Variants in HECW2 observed in about 807,000 individuals in gnomAD.
HECW2 encodes the protein HECT, C2 and WW domain containing E3 ubiquitin protein ligase 2.
In HECW2, 61 loss-of-function variants were observed where a neutral mutation model predicts 175.2. The observed-to-expected ratio is 0.35, with a 90% CI of 0.28 to 0.43. The LOEUF (loss-of-function observed/expected upper bound fraction) is 0.43, where lower values mean the gene tolerates loss of function less well. Among genes scored for constraint, HECW2 ranks in the 20% least tolerant of loss-of-function variants. The pLI, the probability that HECW2 is intolerant of heterozygous loss-of-function variation, is 1.00. For missense variants in HECW2, 1,524 were observed against 2,000.5 expected (o/e 0.76, Z 4.54); for synonymous variants, 671 against 731.0 (o/e 0.92, Z 1.32).
chr2:196,269,600 A>C (rs948714711), intron 17 of HECW2: 3 of 151,278 alleles, frequency 2.0e-5, no homozygotes, highest in Non-Finnish European at 4.4e-5. Context: ...ATATTTTTAC[A>C]TTCAGTATGT....
intron 20 of HECW2, 87 bp from the exon 21 acceptor site, chr2:196,240,649 T>C: frequency 8.0e-7 from 1 of 1,245,016 alleles, no homozygotes; most frequent in Non-Finnish European, 1.1e-6. Flanking sequence ...CATTTCCATT[T>C]GCCACAATTA....
At chr2:196,313,447 A>G (rs1003137584) in intron 10 of HECW2, among the ~76,000 whole-genome samples, 1 of 152,234 alleles carries the variant, frequency 6.6e-6, no homozygotes, top group South Asian at 2.1e-4. Flanking sequence ...TGTCATGCTG[A>G]CTCCAAGGCC....
chr2:196,285,133 A>G (rs1690336340), intron 14 of HECW2, among the ~76,000 whole-genome samples: 1 of 152,232 alleles, frequency 6.6e-6, no homozygotes, highest in Non-Finnish European at 1.5e-5. Flanking sequence ...GAAGCCAAAC[A>G]AAATACATTT....
chr2:196,388,430 T>C (rs1694413977), intron 2 of HECW2, among the ~76,000 whole-genome samples: 1 of 152,248 alleles, frequency 6.6e-6, no homozygotes, highest in Non-Finnish European at 1.5e-5. Context: ...TATAGTGCTT[T>C]ACAAATGTAA....
rs1186599850 is a variant in HECW2, at chr2:196,206,755, C to T, written c.4608-5367G>A. 3.9e-5 allele frequency among the ~76,000 whole-genome samples: 6 copies of T among 152,162 alleles called. No individual in the cohort carries two copies. The East Asian group carries it at 1.2e-3, about 29-fold the overall frequency. On this transcript the variant is annotated intron_variant, in intron 28 of 28. Transcript: ENST00000644978. ...TCTGGGGCAAGCAGGAACTGAAATCCAGCCTTCCTTTGGCTCTGCTTGCCA... is the reference window on the plus strand; with the variant it reads ...TCTGGGGCAAGCAGGAACTGAAATCTAGCCTTCCTTTGGCTCTGCTTGCCA...
intron 14 of HECW2, among the ~76,000 whole-genome samples, chr2:196,286,157 T>G (rs747091804): frequency 1.3e-5 from 2 of 152,128 alleles, no homozygotes; most frequent in Non-Finnish European, 2.9e-5. Context: ...GCTGACAGCA[T>G]GTAATTGACC....
intron 2 of HECW2, among the ~76,000 whole-genome samples, chr2:196,424,159 T>A (rs1202465001): frequency 6.6e-6 from 1 of 152,068 alleles, no homozygotes; most frequent in African/African-American, 2.4e-5. Context: ...GGTCTTTTGA[T>A]GATATTATTG....
chr2:196,202,283 A>G (rs1228032494), intron 28 of HECW2, among the ~76,000 whole-genome samples: 1 of 152,222 alleles, frequency 6.6e-6, no homozygotes, highest in African/African-American at 2.4e-5. Flanking sequence ...CTATTTCTAC[A>G]AAGTCACATG....
chr2:196,569,206 G>A (rs879534897), intron 1 of HECW2, among the ~76,000 whole-genome samples: 15 of 152,124 alleles, frequency 9.9e-5, no homozygotes, highest in Non-Finnish European at 2.1e-4. Context: ...GCTAGGCATG[G>A]TGGTACACAT....
intron 26 of HECW2, chr2:196,218,196 T>G (rs1471893084): frequency 6.6e-6 from 1 of 152,244 alleles, no homozygotes; most frequent in African/African-American, 2.4e-5. Flanking sequence ...GAATTAGCCC[T>G]TTTCTGCTTC....
chr2:196,368,584 T>C (rs755450933), intron 2 of HECW2, among the ~76,000 whole-genome samples: 5 of 152,190 alleles, frequency 3.3e-5, no homozygotes, highest in African/African-American at 4.8e-5. Context: ...TATCTCTCTC[T>C]ACCTCCTGAT....
At chr2:196,478,354 T>A (rs1487886333) in intron 1 of HECW2, among the ~76,000 whole-genome samples, 1 of 152,142 alleles carries the variant, frequency 6.6e-6, no homozygotes, top group Non-Finnish European at 1.5e-5. Context: ...CTTGTGACAT[T>A]TCCACAGATG....
intron 28 of HECW2, among the ~76,000 whole-genome samples, chr2:196,204,277 A>G (rs116255659): frequency 0.022 from 3,410 of 152,276 alleles, 141 homozygotes; most frequent in African/African-American, 0.078. Context: ...TTACATTTCC[A>G]TCAACAGTGC....
intron 1 of HECW2, among the ~76,000 whole-genome samples, chr2:196,572,710 C>T (rs755721507): frequency 6.6e-6 from 1 of 152,154 alleles, no homozygotes; most frequent in Non-Finnish European, 1.5e-5. Context: ...AATTAGGTCA[C>T]AAGGGTAGAG....
intron 14 of HECW2, chr2:196,288,584 C>T (rs1690482081): frequency 1.3e-5 from 2 of 152,072 alleles, no homozygotes; most frequent in Admixed American, 1.3e-4. Flanking sequence ...ACAGTATATC[C>T]CTTATAAGTC....
At position 196,467,433 on chromosome 2, in the gene HECW2, CT is replaced by C. The variant is rs546796131; in HGVS notation, c.-35-33976del. 1.4e-3 allele frequency among the ~76,000 whole-genome samples: 208 copies of C among 152,192 alleles called. 2 individuals are homozygous for C. The highest frequency in any genetic ancestry group is 4.6e-3 in the African/African-American group (191 of 41,530). On this transcript the variant is annotated intron_variant, in intron 1 of 28. Transcript: ENST00000644978. Reference sequence around the variant, plus strand: ...TGCTATTTATTGAGAGCTTTCTGGGCTTTCTTGCAGATTCCATTTAATCCTC... The same window carrying C: ...TGCTATTTATTGAGAGCTTTCTGGGCTTCTTGCAGATTCCATTTAATCCTC...
At chr2:196,233,380 AC>A (rs1416234067) in intron 21 of HECW2, among the ~76,000 whole-genome samples, 1 of 152,174 alleles carries the variant, frequency 6.6e-6, no homozygotes, top group African/African-American at 2.4e-5. Flanking sequence ...TGTCAGTGGC[AC>A]CCAAAATTTG....
intron 1 of HECW2, among the ~76,000 whole-genome samples, chr2:196,569,706 G>A (rs1169314912): frequency 6.6e-6 from 1 of 152,200 alleles, no homozygotes; most frequent in Non-Finnish European, 1.5e-5. Context: ...CCAGGATGTA[G>A]GATAAATTAT....
At chr2:196,510,695 T>A (rs1687917841) in intron 1 of HECW2, among the ~76,000 whole-genome samples, 2 of 152,076 alleles carry the variant, frequency 1.3e-5, no homozygotes, top group African/African-American at 4.8e-5. Flanking sequence ...GAATTGTTAT[T>A]TTTTTTTACT....
Sources: gnomAD v4.1 joint callset for allele counts (sites outside exome capture counted in the v4.1 genomes callset) on GRCh38, gnomAD v4.1.1 for gene constraint, MANE v1.5 for transcripts, NCBI Gene and HGNC (gene_info 2026-07-23, HGNC 2026-07-21) for gene names.